TAC3: variants seen among roughly 807,000 people sequenced by gnomAD.
TAC3 encodes tachykinin-3.
In TAC3, 9 loss-of-function variants were observed where a neutral mutation model predicts 16.5. The observed-to-expected ratio is 0.55, with a 90% CI of 0.33 to 0.95. The LOEUF (loss-of-function observed/expected upper bound fraction) is 0.95, where lower values mean the gene tolerates loss of function less well. Among genes scored for constraint, TAC3 ranks in the 40% least tolerant of loss-of-function variants. The pLI is 0.03. For missense variants in TAC3, 129 were observed against 149.1 expected (o/e 0.87, Z 0.70); for synonymous variants, 52 against 56.7 (o/e 0.92, Z 0.37).
At chr12:57,012,512 A>T in intron 5 of TAC3, 60 bp from the exon 6 acceptor site, 4 of 1,608,202 alleles carry the variant, frequency 2.5e-6, no homozygotes, top group Non-Finnish European at 3.4e-6. Flanking sequence ...CTACACCCTG[A>T]TCCAACAGCA....
At chr12:57,012,759 G>A (rs878969844) in intron 5 of TAC3, 63 bp downstream of exon 5, 15 of 1,613,708 alleles carry the variant, frequency 9.3e-6, no homozygotes, top group East Asian at 4.5e-5. Flanking sequence ...TATGAGGCAC[G>A]TGACTTCTGT....
chr12:57,013,246 G>A (rs1397534640), intron 4 of TAC3, 113 bp downstream of exon 4: 5 of 1,324,400 alleles, frequency 3.8e-6, no homozygotes, highest in Non-Finnish European at 5.4e-6. Flanking sequence ...GTGGGAGCTG[G>A]CATATTGTTT....
chr12:57,012,061 C>G, intron 6 of TAC3: 2 of 380,008 alleles, frequency 5.3e-6, no homozygotes, highest in Non-Finnish European at 9.9e-6. Flanking sequence ...GCATAGATTA[C>G]AAAAGAATGA....
At chr12:57,014,561 G>A (rs907616701) in intron 2 of TAC3, among the ~76,000 whole-genome samples, 1 of 152,098 alleles carries the variant, frequency 6.6e-6, no homozygotes, top group African/African-American at 2.4e-5. Flanking sequence ...CTCATTCATT[G>A]ACCAAGAGGG....
chr12:57,012,309 A>G (rs1370127633), intron 6 of TAC3, 69 bp downstream of exon 6: 1 of 1,404,882 alleles, frequency 7.1e-7, no homozygotes, highest in Non-Finnish European at 9.9e-7. Flanking sequence ...ATGGGAGGAA[A>G]TGCACAGCTG....
intron 5 of TAC3, 86 bp downstream of exon 5, chr12:57,012,736 C>T (rs1209089154): frequency 6.2e-7 from 1 of 1,613,602 alleles, no homozygotes; most frequent in Non-Finnish European, 8.5e-7. Flanking sequence ...CTGTCTTTCC[C>T]TCTGGTGACA....
At chr12:57,012,332 G>GCCCCCACCCCCGTC in intron 6 of TAC3, 46 bp downstream of exon 6, 1 of 1,498,478 alleles carries the variant, frequency 6.7e-7, no homozygotes, top group Non-Finnish European at 9.2e-7. Flanking sequence ...AACCCCCACA[G>GCCCCCACCCCCGTC]CCCCCTCCCC....
chr12:57,013,570 C>T lies in TAC3; in HGVS notation c.208+8G>A. 6.2e-7 allele frequency: 1 copy of T among 1,612,794 alleles called. No individual in the cohort carries two copies. ...CTCATTCCCCTCTCCCCTAGGGCCGCCTCCTACCTGTGCTAGCCTGGCTCA... is the reference window on the plus strand; with the variant it reads ...CTCATTCCCCTCTCCCCTAGGGCCGTCTCCTACCTGTGCTAGCCTGGCTCA... On this transcript the variant is annotated splice_region_variant and intron_variant, in intron 3 of 6. Coordinates refer to ENST00000458521, the MANE Select transcript of TAC3 (RefSeq NM_013251.4).
chr12:57,015,694 C>T lies in TAC3; in HGVS notation c.104G>A (p.Gly35Asp), dbSNP rs1283797528. The T allele has an allele frequency of 6.2e-7, 1 of 1,613,418 alleles. No individual in the cohort carries two copies. The highest frequency in any genetic ancestry group is 8.5e-7 in the Non-Finnish European group (1 of 1,179,870). The change falls in exon 2 of 7, where the codon GGC (glycine) becomes GAC (aspartate). Residue 35 changes from glycine (G) to aspartate (D), a missense_variant. Physicochemically the swap from Gly to Asp is moderately conservative, Grantham distance 94 (BLOSUM62 -1). Transcript: ENST00000458521. ...CCAGGGGAGACTTACCTTGCTGCGG[C>T]CCCCGCCAGGAACCACCTCCTCCTG... ...EPQEEVVPGG[G>D]RSKRDPDLYQ...
In TAC3 at chr12:57,012,191, G is replaced by A. The variant is rs1956307958; in HGVS notation, c.*1+187C>T. ...CAGAGGAAAGAGATGAAAGACGGGGGATGTGTACAAACACACGTGCCTCTA... is the reference window on the plus strand; with the variant it reads ...CAGAGGAAAGAGATGAAAGACGGGGAATGTGTACAAACACACGTGCCTCTA... On this transcript the variant is annotated intron_variant, in intron 6 of 6. Transcript: ENST00000458521. 5 of 614,758 alleles carry A rather than the reference G, an allele frequency of 8.1e-6. No individual in the cohort carries two copies. The East Asian group carries it at 1.1e-4, about 14-fold the overall frequency. The allele number at this position is 614,758 out of a possible 1,614,324, so 38.1% of individuals were successfully genotyped here.
chr12:57,013,333 A>T, intron 4 of TAC3, 26 bp downstream of exon 4: 3 of 1,613,850 alleles, frequency 1.9e-6, no homozygotes, highest in Non-Finnish European at 2.5e-6. Flanking sequence ...GTGGCAAGAG[A>T]TAGGGAGGGA....
At position 57,012,894 on chromosome 12, in the gene TAC3, A is replaced by G. The variant is rs371166062; in HGVS notation, c.239-19T>C. 4 of 1,614,078 alleles carry G rather than the reference A, an allele frequency of 2.5e-6. No homozygotes were observed. In the East Asian group the frequency reaches 6.7e-5, roughly 27 times the overall value. On this transcript the variant is annotated intron_variant, in intron 4 of 6. Transcript: ENST00000458521. ...ATGTCACCTGCAGAAAAGGGCCAAC[A>G]TTGTCAGCAGTGATGATGAGAAAGT...
chr12:57,015,822 G>T lies in TAC3; in HGVS notation c.-5-20C>A. On this transcript the variant is annotated intron_variant, in intron 1 of 6. Coordinates refer to ENST00000458521, the MANE Select transcript of TAC3 (RefSeq NM_013251.4). ...TGGTGCCTGGGAGAGCAAAGGGACAGGACTCAGGTAAAGGAGAGAAGAGGA... is the reference window on the plus strand; with the variant it reads ...TGGTGCCTGGGAGAGCAAAGGGACATGACTCAGGTAAAGGAGAGAAGAGGA... 1 of 1,595,090 alleles carries T rather than the reference G, an allele frequency of 6.3e-7. No homozygotes were observed. Among genetic ancestry groups the T allele is most frequent in the South Asian group, 1.1e-5 (1 of 90,628 alleles).
chr12:57,015,881 C>T, intron 1 of TAC3, 79 bp from the exon 2 acceptor site: 2 of 1,252,292 alleles, frequency 1.6e-6, no homozygotes, highest in Non-Finnish European at 1.1e-6. Context: ...AAGAGACATT[C>T]ATTACCAGCA....
intron 4 of TAC3, 103 bp from the exon 5 acceptor site, chr12:57,012,978 CT>C: frequency 3.4e-6 from 5 of 1,456,282 alleles, no homozygotes; most frequent in Non-Finnish European, 3.8e-6. Context: ...GTCTCTGTTC[CT>C]TTTTCTTGTC....
intron 5 of TAC3, 124 bp from the exon 6 acceptor site, chr12:57,012,576 G>A: frequency 6.2e-7 from 1 of 1,602,116 alleles, no homozygotes; most frequent in East Asian, 2.2e-5. Context: ...GACTGGGGTG[G>A]AAGCAGAGTC....
At chr12:57,016,221 A>G (rs958696395) in intron 1 of TAC3, among the ~76,000 whole-genome samples, 166 bp downstream of exon 1, 1 of 152,174 alleles carries the variant, frequency 6.6e-6, no homozygotes, top group African/African-American at 2.4e-5. Context: ...CTGTAGCCAC[A>G]GGCTCCAAAC....
At position 57,012,449 on chromosome 12, in the gene TAC3, G is replaced by T. The variant is rs774787312; in HGVS notation, c.296C>A (p.Ser99Tyr). The T allele has an allele frequency of 1.2e-6, 2 of 1,614,084 alleles. No homozygotes were observed. The highest frequency in any genetic ancestry group is 3.3e-5 in the Admixed American group (2 of 60,022). ...GTTCTCTTGATTCACATCCGTAGGAGAGTCTAGGGTAAAGCGAACAGTGTA... is the reference window on the plus strand; with the variant it reads ...GTTCTCTTGATTCACATCCGTAGGATAGTCTAGGGTAAAGCGAACAGTGTA... ...LMGKRSVQPDSPTDVNQENVP... is the reference protein window; with the variant it reads ...LMGKRSVQPDYPTDVNQENVP... Residue 99 changes from serine (S) to tyrosine (Y), a missense_variant, in exon 6 of 7, where the codon TCT becomes TAT. Physicochemically the swap from Ser to Tyr is moderately radical, Grantham distance 144. Transcript: ENST00000458521.
intron 2 of TAC3, among the ~76,000 whole-genome samples, chr12:57,014,216 T>C (rs1448723194): frequency 6.6e-6 from 1 of 152,064 alleles, no homozygotes; most frequent in African/African-American, 2.4e-5. Flanking sequence ...GGGCTCTTGA[T>C]TGTCCCTGTG....
Sources: gnomAD v4.1 joint callset for allele counts (sites outside exome capture counted in the v4.1 genomes callset) on GRCh38, gnomAD v4.1.1 for gene constraint, MANE v1.5 for transcripts, NCBI Gene and HGNC (gene_info 2026-07-23, HGNC 2026-07-21) for gene names.